PLCB4: variants seen among roughly 807,000 people sequenced by gnomAD.
The protein encoded by PLCB4 is 1-phosphatidylinositol 4,5-bisphosphate phosphodiesterase beta-4.
In PLCB4, 77 loss-of-function variants were observed where a neutral mutation model predicts 178.8. That is an observed-to-expected ratio of 0.43 (90% CI 0.36 to 0.52). The LOEUF (loss-of-function observed/expected upper bound fraction) is 0.52. Ranked by LOEUF, PLCB4 falls within the 20% of genes least tolerant of loss-of-function variation. The pLI is 0.00. For missense variants in PLCB4, 1,024 were observed against 1,453.4 expected (o/e 0.70, Z 4.80); for synonymous variants, 496 against 490.8 (o/e 1.01, Z -0.14).
At chr20:9,368,002 ACT>A (rs1410712946) in intron 9 of PLCB4, among the ~76,000 whole-genome samples, 2 of 152,114 alleles carry the variant, frequency 1.3e-5, no homozygotes, top group Admixed American at 6.6e-5. Flanking sequence ...AAATCAGATA[ACT>A]CTATTGGTGA....
intron 14 of PLCB4, 33 bp downstream of exon 14, chr20:9,384,444 T>A: frequency 7.2e-7 from 1 of 1,382,228 alleles, no homozygotes; most frequent in Non-Finnish European, 1.0e-6. Context: ...TTGTTTTTTG[T>A]GTGTGATGCC....
intron 7 of PLCB4, among the ~76,000 whole-genome samples, chr20:9,347,207 C>T (rs771841806): frequency 3.9e-5 from 6 of 152,100 alleles, no homozygotes; most frequent in Non-Finnish European, 7.4e-5. Context: ...AGTGCACATA[C>T]GCTGTTGAGG....
At chr20:9,360,809 T>C (rs2035255430) in intron 7 of PLCB4, among the ~76,000 whole-genome samples, 1 of 152,234 alleles carries the variant, frequency 6.6e-6, no homozygotes, top group Non-Finnish European at 1.5e-5. Flanking sequence ...GCTGAGGCTT[T>C]CGATGCTATT....
At chr20:9,341,858 C>A (rs1568617614) in intron 7 of PLCB4, among the ~76,000 whole-genome samples, 1 of 152,058 alleles carries the variant, frequency 6.6e-6, no homozygotes, top group Non-Finnish European at 1.5e-5. Flanking sequence ...AAAAATAATT[C>A]TGTATTGGAT....
chr20:9,203,056 A>AAATAT (rs769628056), intron 2 of PLCB4, among the ~76,000 whole-genome samples: 28 of 126,148 alleles, frequency 2.2e-4, no homozygotes, highest in Admixed American at 1.2e-3. Context: ...AAAAAAAAAA[A>AAATAT]ATATATATAT....
intron 30 of PLCB4, among the ~76,000 whole-genome samples, chr20:9,442,428 A>G (rs1250134632): frequency 6.6e-6 from 1 of 152,000 alleles, no homozygotes; most frequent in Non-Finnish European, 1.5e-5. Context: ...ATTTTTACAA[A>G]TTGTGTCTTT....
chr20:9,371,999 A>T (rs2036293079), intron 10 of PLCB4, among the ~76,000 whole-genome samples: 1 of 152,202 alleles, frequency 6.6e-6, no homozygotes. Flanking sequence ...CCTCAAGGTG[A>T]GTTGGAGGAA....
At chr20:9,151,661 C>T (rs1246158214) in intron 2 of PLCB4, among the ~76,000 whole-genome samples, 3 of 151,816 alleles carry the variant, frequency 2.0e-5, no homozygotes, top group East Asian at 3.9e-4. Flanking sequence ...TTTTTCTTCC[C>T]GGTCTTGGAT....
In PLCB4 at chr20:9,404,100, T is replaced by A. The variant is rs370618518; in HGVS notation, c.1612-1213T>A. ...GTTTTCTTTTTCGGATGAATGAATCTGGAGTGTGTTTGAAAACTTGGAAGT... is the reference window on the plus strand; with the variant it reads ...GTTTTCTTTTTCGGATGAATGAATCAGGAGTGTGTTTGAAAACTTGGAAGT... On this transcript the variant is annotated intron_variant, in intron 20 of 39. Coordinates refer to ENST00000378473, the MANE Select transcript of PLCB4 (RefSeq NM_001377142.1). Among the ~76,000 whole-genome samples the A allele has an allele frequency of 1.2e-4, 18 of 152,248 alleles. No individual in the cohort carries two copies. The East Asian group carries it at 2.1e-3, about 18-fold the overall frequency.
At chr20:9,465,157 A>G (rs2043680342) in intron 35 of PLCB4, among the ~76,000 whole-genome samples, 1 of 152,250 alleles carries the variant, frequency 6.6e-6, no homozygotes, top group Admixed American at 6.5e-5. Context: ...AATGTAATCC[A>G]TCACGTAAAC....
At chr20:9,434,667 C>T (rs891290412) in intron 28 of PLCB4, among the ~76,000 whole-genome samples, 18 of 152,128 alleles carry the variant, frequency 1.2e-4, no homozygotes, top group African/African-American at 4.1e-4. Flanking sequence ...TGAGCTACTG[C>T]GTCCGGCCAA....
intron 33 of PLCB4, among the ~76,000 whole-genome samples, chr20:9,454,680 A>G (rs2042957124): frequency 6.6e-6 from 1 of 152,238 alleles, no homozygotes; most frequent in Non-Finnish European, 1.5e-5. Context: ...ACATTGGTTC[A>G]TATTGCCGAA....
intron 1 of PLCB4, among the ~76,000 whole-genome samples, chr20:9,082,197 T>C (rs542120147): frequency 3.9e-4 from 60 of 152,336 alleles, no homozygotes; most frequent in African/African-American, 1.4e-3. Context: ...GTGGGACTCT[T>C]AGTAATTTAA....
rs778106111 is a variant in PLCB4 at position 9,338,955 on chromosome 20, G to T, written c.287G>T (p.Arg96Leu). ...VGKSENDLEG[R>L]IVCVCSGTDL... ...AAATCAGAAAATGATCTGGAAGGGC[G>T]GATAGTTTGTGTCTGCAGTGGCACA... The change falls in exon 7 of 40, where the codon CGG becomes CTG. Residue 96 changes from arginine (R) to leucine (L), a missense_variant. Around this residue, in one of 7 missense-constraint regions of PLCB4, gnomAD observed 225 missense variants for 291.0 expected, o/e 0.77. Transcript: ENST00000378473. 5 of 1,613,276 alleles carry T rather than the reference G, an allele frequency of 3.1e-6. No individual in the cohort carries two copies. The highest frequency in any genetic ancestry group is 4.2e-6 in the Non-Finnish European group (5 of 1,179,468).
At chr20:9,266,751 G>A (rs193208533) in intron 3 of PLCB4, among the ~76,000 whole-genome samples, 26 of 152,196 alleles carry the variant, frequency 1.7e-4, no homozygotes, top group African/African-American at 6.0e-4. Flanking sequence ...GTAGAATATT[G>A]AGGGTTTGTT....
chr20:9,187,635 C>T (rs2093347481), intron 2 of PLCB4, among the ~76,000 whole-genome samples: 3 of 152,188 alleles, frequency 2.0e-5, no homozygotes, highest in Admixed American at 2.0e-4. Flanking sequence ...AATAAAACTA[C>T]TGTATAGGCC....
chr20:9,391,016 A>G (rs2038095079), intron 17 of PLCB4, among the ~76,000 whole-genome samples: 1 of 152,168 alleles, frequency 6.6e-6, no homozygotes, highest in South Asian at 2.1e-4. Context: ...GGTGTTTTAA[A>G]AGCCCTCCAG....
chr20:9,370,597 A>G (rs1209780464), intron 9 of PLCB4, among the ~76,000 whole-genome samples: 1 of 151,994 alleles, frequency 6.6e-6, no homozygotes, highest in Non-Finnish European at 1.5e-5. Context: ...AGAATTTATC[A>G]TTGTTTTTGT....
intron 32 of PLCB4, among the ~76,000 whole-genome samples, chr20:9,450,796 G>A (rs1039489375): frequency 6.0e-5 from 9 of 151,044 alleles, no homozygotes; most frequent in Admixed American, 6.0e-4. Flanking sequence ...TTACAGGAGT[G>A]CACCACCATG....
Sources: allele counts gnomAD v4.1 joint callset (sites outside exome capture counted in the v4.1 genomes callset), GRCh38; gene constraint gnomAD v4.1.1; regional missense constraint gnomAD v4.1.1; transcripts MANE v1.5; gene names NCBI Gene and HGNC (gene_info 2026-07-23, HGNC 2026-07-21).